KCNMA1: variants seen among roughly 807,000 people sequenced by gnomAD.
KCNMA1 encodes potassium calcium-activated channel subfamily M alpha 1.
In KCNMA1, 29 loss-of-function variants were observed where a neutral mutation model predicts 140.0. That is an observed-to-expected ratio of 0.21 (90% CI 0.15 to 0.28). The LOEUF is 0.28. Among genes scored for constraint, KCNMA1 ranks in the 10% least tolerant of loss-of-function variants. The pLI is 1.00. For missense variants in KCNMA1, 880 were observed against 1,602.2 expected, an observed-to-expected ratio of 0.55 and a Z score of 7.70; for synonymous variants, 612 against 611.9, an observed-to-expected ratio of 1.00 and a Z score of 0.00.
chr10:77,629,334 C>T (rs2092916156), intron 1 of KCNMA1, among the ~76,000 whole-genome samples: 3 of 152,206 alleles, frequency 2.0e-5, no homozygotes, highest in Non-Finnish European at 4.4e-5. Context: ...TGAACTAAAT[C>T]CTTGTTAGCT....
chr10:77,064,182 C>T, intron 14 of KCNMA1: 2 of 924,574 alleles, frequency 2.2e-6, no homozygotes, highest in Admixed American at 6.2e-5. Flanking sequence ...GAAAATATAA[C>T]ATTTTGGGGT....
At chr10:77,334,584 G>C (rs1329152363) in intron 2 of KCNMA1, among the ~76,000 whole-genome samples, 1 of 152,120 alleles carries the variant, frequency 6.6e-6, no homozygotes, top group African/African-American at 2.4e-5. Context: ...TGAGTACAAG[G>C]CATTTTGAAA....
chr10:77,315,050 T>C (rs2080454011), intron 2 of KCNMA1, among the ~76,000 whole-genome samples: 1 of 152,126 alleles, frequency 6.6e-6, no homozygotes, highest in African/African-American at 2.4e-5. Context: ...ATGATGTTGG[T>C]GATGACCCAT....
chr10:77,001,855 C>T (rs1233200662), intron 18 of KCNMA1, among the ~76,000 whole-genome samples: 1 of 152,174 alleles, frequency 6.6e-6, no homozygotes, highest in Non-Finnish European at 1.5e-5. Context: ...AGGAAAAGGG[C>T]ATGGCTGAAT....
intron 20 of KCNMA1, among the ~76,000 whole-genome samples, chr10:76,962,439 A>AG (rs2071952213): frequency 6.6e-6 from 1 of 152,126 alleles, no homozygotes; most frequent in African/African-American, 2.4e-5. Context: ...GGGAGATGAG[A>AG]GGCTTGATTA....
At chr10:77,225,770 A>G (rs1027867989) in intron 3 of KCNMA1, among the ~76,000 whole-genome samples, 4 of 152,220 alleles carry the variant, frequency 2.6e-5, no homozygotes, top group Non-Finnish European at 5.9e-5. Context: ...TGGAGGCCAC[A>G]TGCCGAATGG....
intron 15 of KCNMA1, among the ~76,000 whole-genome samples, chr10:77,031,517 T>C (rs527729359): frequency 1.4e-4 from 22 of 152,364 alleles, no homozygotes; most frequent in African/African-American, 4.8e-4. Context: ...CCTCTAGATA[T>C]TGCAAAATAC....
chr10:76,919,400 G>T (rs769431924), intron 23 of KCNMA1, among the ~76,000 whole-genome samples: 47 of 152,258 alleles, frequency 3.1e-4, no homozygotes, highest in South Asian at 6.2e-4. Flanking sequence ...ATCTTCAGTG[G>T]CTGGTGTGGC....
At chr10:77,386,359 G>A (rs528492322) in intron 2 of KCNMA1, among the ~76,000 whole-genome samples, 10 of 152,308 alleles carry the variant, frequency 6.6e-5, no homozygotes, top group African/African-American at 2.4e-4. Context: ...AGTTAATAGG[G>A]CTTTCTATTC....
Position 77,319,918 on chromosome 10 carries a change from T to G in KCNMA1, c.541-68662A>C, listed in dbSNP as rs557881090. Among the ~76,000 whole-genome samples, 6 of 152,366 alleles carry G rather than the reference T, an allele frequency of 3.9e-5. No homozygotes were observed. The East Asian group carries it at 1.2e-3, about 29-fold the overall frequency. On this transcript the variant is annotated intron_variant, in intron 2 of 27. Coordinates refer to ENST00000286628, the MANE Select transcript of KCNMA1 (RefSeq NM_001161352.2). ...ATAAACCTTTCTTGTGTTATGCCAC[T>G]GTGGGGGCTGTCTGTTACTGTAGCA...
chr10:77,470,623 C>T (rs1202635986), intron 1 of KCNMA1, among the ~76,000 whole-genome samples: 1 of 152,188 alleles, frequency 6.6e-6, no homozygotes, highest in Non-Finnish European at 1.5e-5. Flanking sequence ...GCAAGTCAGA[C>T]AGAAGAGCAG....
At position 76,924,241 on chromosome 10, in the gene KCNMA1, T is replaced by C. The variant is rs556728578; in HGVS notation, c.2903-9192A>G. On this transcript the variant is annotated intron_variant, in intron 23 of 27. Transcript: ENST00000286628. ...GGAAATTGGTTAAGTATGCATCCAC[T>C]AAAAATAATGCAGAAAAACATTTCA... Among the ~76,000 whole-genome samples, 7 of 152,210 alleles carry C rather than the reference T, an allele frequency of 4.6e-5. No individual in the cohort carries two copies. The South Asian group carries it at 1.0e-3, about 23-fold the overall frequency.
intron 2 of KCNMA1, among the ~76,000 whole-genome samples, chr10:77,276,964 T>G (rs941917651): frequency 6.6e-6 from 1 of 152,170 alleles, no homozygotes; most frequent in African/African-American, 2.4e-5. Context: ...CCAGGGCTGT[T>G]AGGTAATTCT....
At position 76,885,156 on chromosome 10, in the gene KCNMA1, T is replaced by C; in HGVS notation, c.*2110A>G. The C allele has an allele frequency of 1.4e-5, 19 of 1,340,214 alleles. No homozygotes were observed. Among genetic ancestry groups the C allele is most frequent in the Non-Finnish European group, 1.7e-5 (18 of 1,042,026 alleles). The allele number at this position is 1,340,214 out of a possible 1,614,324, so 83.0% of individuals were successfully genotyped here. ...ACTTTATAACCTCCTTTGCAAAGAATGCATGAAGAGCTCTTCATGATCCAA... is the reference window on the plus strand; with the variant it reads ...ACTTTATAACCTCCTTTGCAAAGAACGCATGAAGAGCTCTTCATGATCCAA... On this transcript the variant is annotated 3_prime_UTR_variant, in exon 28 of 28. Coordinates refer to ENST00000286628, the MANE Select transcript of KCNMA1 (RefSeq NM_001161352.2).
intron 2 of KCNMA1, among the ~76,000 whole-genome samples, chr10:77,366,433 T>G (rs550512256): frequency 1.3e-5 from 2 of 152,300 alleles, no homozygotes; most frequent in East Asian, 3.9e-4. Context: ...CCTCCCAAAG[T>G]GCTGGGATTA....
chr10:77,215,123 C>A (rs1442223352), intron 3 of KCNMA1, among the ~76,000 whole-genome samples: 3 of 152,146 alleles, frequency 2.0e-5, no homozygotes, highest in Non-Finnish European at 2.9e-5. Context: ...GCCCCCAGTG[C>A]AGCCCCTCCC....
intron 19 of KCNMA1, among the ~76,000 whole-genome samples, chr10:76,992,880 G>A (rs1342272679): frequency 1.4e-4 from 21 of 152,312 alleles, no homozygotes; most frequent in Non-Finnish European, 1.2e-4. Context: ...ATTTCCACTC[G>A]AGAAGGTTAA....
intron 5 of KCNMA1, among the ~76,000 whole-genome samples, chr10:77,180,281 G>A (rs1329575313): frequency 2.0e-5 from 3 of 152,170 alleles, no homozygotes; most frequent in Non-Finnish European, 4.4e-5. Context: ...TATCTCATGG[G>A]AATGTTCATT....
chr10:77,367,051 A>G (rs2094409293), intron 2 of KCNMA1, among the ~76,000 whole-genome samples: 1 of 152,222 alleles, frequency 6.6e-6, no homozygotes, highest in Non-Finnish European at 1.5e-5. Context: ...GTGAAAGAAC[A>G]TGAGAGCAAA....
Sources: gnomAD v4.1 joint callset for allele counts (sites outside exome capture counted in the v4.1 genomes callset) on GRCh38, gnomAD v4.1.1 for gene constraint, MANE v1.5 for transcripts, NCBI Gene and HGNC (gene_info 2026-07-23, HGNC 2026-07-21) for gene names.